TXNDC16: variants seen among roughly 807,000 people sequenced by gnomAD.
TXNDC16 encodes thioredoxin domain-containing protein 16.
Under a neutral mutation model 85.6 loss-of-function variants are expected in TXNDC16, and 74 were observed. The ratio of observed to expected loss-of-function variants is 0.86; its 90% confidence interval spans 0.72 to 1.05. The LOEUF (loss-of-function observed/expected upper bound fraction) is 1.05. TXNDC16 is among the 50% of genes least tolerant of loss of function. The pLI, the probability that TXNDC16 is intolerant of heterozygous loss-of-function variation, is 0.00. For synonymous variants in TXNDC16, 335 were observed against 326.5 expected (o/e 1.03, Z -0.28); for missense variants, 959 against 947.0 (o/e 1.01, Z -0.17).
At chr14:52,515,705 GTGTGTA>G (rs2037068304) in intron 7 of TXNDC16, among the ~76,000 whole-genome samples, 1 of 137,956 alleles carries the variant, frequency 7.2e-6, no homozygotes, top group Non-Finnish European at 1.6e-5. Flanking sequence ...GTGTGTGTGT[GTGTGTA>G]TCATATATAA....
intron 6 of TXNDC16, among the ~76,000 whole-genome samples, chr14:52,526,785 G>A (rs543482801): frequency 1.3e-5 from 2 of 152,328 alleles, no homozygotes; most frequent in East Asian, 3.9e-4. Context: ...TGATTAGAGG[G>A]TTAGGACTTT....
chr14:52,470,201 A>G (rs776233546), intron 15 of TXNDC16, 28 bp from the exon 16 acceptor site: 5 of 1,513,212 alleles, frequency 3.3e-6, no homozygotes, highest in African/African-American at 1.4e-5. Context: ...TATATTACAA[A>G]TTAATTTTTT....
chr14:52,520,535 G>A (rs765421625), intron 6 of TXNDC16, among the ~76,000 whole-genome samples: 12 of 152,062 alleles, frequency 7.9e-5, no homozygotes, highest in South Asian at 6.2e-4. Flanking sequence ...GCATGAACCC[G>A]GGAGGAGGAG....
intron 14 of TXNDC16, among the ~76,000 whole-genome samples, chr14:52,478,511 AGAAATAC>A (rs1049230114): frequency 2.6e-5 from 4 of 152,150 alleles, no homozygotes; most frequent in African/African-American, 9.6e-5. Flanking sequence ...CTGACACCAC[AGAAATAC>A]AAAAGATCAT....
intron 11 of TXNDC16, 120 bp from the exon 12 acceptor site, chr14:52,488,606 C>A (rs1165826805): frequency 7.1e-6 from 5 of 699,520 alleles, no homozygotes; most frequent in Admixed American, 3.1e-5. Flanking sequence ...GAGGTCGAGG[C>A]AGGCGGATCA....
rs563132474 is a variant in TXNDC16, at chr14:52,494,578, T to C, written c.757-3573A>G. The stretch of plus-strand genomic sequence containing the variant: ...GTGTATTAGGAGAACTATTAGTAAT[T>C]AGTAATTCAGTATTATAAAGCAAAA... On this transcript the variant is annotated intron_variant, in intron 9 of 20. Transcript: ENST00000281741. Among the ~76,000 whole-genome samples the C allele has an allele frequency of 8.5e-5, 13 of 152,230 alleles. No homozygotes were observed. The South Asian group carries it at 1.2e-3, about 15-fold the overall frequency.
At chr14:52,445,497 T>C (rs951090446) in intron 18 of TXNDC16, among the ~76,000 whole-genome samples, 3 of 152,174 alleles carry the variant, frequency 2.0e-5, no homozygotes, top group Admixed American at 6.5e-5. Context: ...ACTTCAGAAA[T>C]GTAGAAAAGT....
intron 9 of TXNDC16, 106 bp downstream of exon 9, chr14:52,511,134 A>G: frequency 1.0e-6 from 1 of 956,500 alleles, no homozygotes; most frequent in Non-Finnish European, 1.4e-6. Context: ...TAAAACATGC[A>G]TCTATAAATC....
At chr14:52,527,807 A>C (rs1432394912) in intron 6 of TXNDC16, among the ~76,000 whole-genome samples, 1 of 152,160 alleles carries the variant, frequency 6.6e-6, no homozygotes, top group Admixed American at 6.6e-5. Flanking sequence ...GTAGGGTAAC[A>C]ACTCAGACTC....
Position 52,528,831 on chromosome 14 carries a change from G to GTATA in TXNDC16, c.392+7884_392+7887dup, listed in dbSNP as rs201761395. Among the ~76,000 whole-genome samples, 1,139 of 142,268 alleles carry GTATA rather than the reference G, an allele frequency of 8.0e-3. 7 individuals carry two copies. Among genetic ancestry groups the GTATA allele is most frequent in the South Asian group, 0.023 (104 of 4,528 alleles). The allele number at this position is 142,268 out of a possible 152,430, so 93.3% of individuals were successfully genotyped here. A position where few individuals can be genotyped will look rare whatever the true frequency, so the allele number is the denominator to read the frequency against. On this transcript the variant is annotated intron_variant, in intron 6 of 20. Transcript: ENST00000281741. ...ATACTGGTATATATATTATACCTAG[G>GTATA]TATATATATATATATGTGTGTGTGT...
At chr14:52,488,717 C>A (rs2036330060) in intron 11 of TXNDC16, among the ~76,000 whole-genome samples, 1 of 150,416 alleles carries the variant, frequency 6.6e-6, no homozygotes, top group Non-Finnish European at 1.5e-5. Flanking sequence ...GCCTGTAATC[C>A]CAGCTACTTG....
intron 9 of TXNDC16, among the ~76,000 whole-genome samples, chr14:52,503,330 G>A (rs536659153): frequency 6.6e-6 from 1 of 152,314 alleles, no homozygotes; most frequent in South Asian, 2.1e-4. Flanking sequence ...CCCCAGTAGG[G>A]GCAGACTGAC....
intron 9 of TXNDC16, among the ~76,000 whole-genome samples, chr14:52,496,229 G>A (rs902593582): frequency 1.3e-5 from 2 of 151,908 alleles, no homozygotes; most frequent in Non-Finnish European, 2.9e-5. Context: ...GACAGGCATA[G>A]TATAACCACT....
intron 1 of TXNDC16, among the ~76,000 whole-genome samples, chr14:52,550,638 T>C (rs2038024240): frequency 6.6e-6 from 1 of 152,052 alleles, no homozygotes; most frequent in South Asian, 2.1e-4. Context: ...TCCAGATGTT[T>C]ACTATCACTT....
At chr14:52,491,652 AC>A (rs1473051350) in intron 9 of TXNDC16, among the ~76,000 whole-genome samples, 10 of 152,292 alleles carry the variant, frequency 6.6e-5, no homozygotes, top group African/African-American at 2.2e-4. Flanking sequence ...GAAATAGATA[AC>A]TAAGGAACAA....
intron 11 of TXNDC16, 64 bp from the exon 12 acceptor site, chr14:52,488,550 C>A: frequency 7.2e-7 from 1 of 1,395,412 alleles, no homozygotes; most frequent in South Asian, 1.3e-5. Context: ...AAATGTTTTA[C>A]TTGGGCCAGG....
intron 9 of TXNDC16, among the ~76,000 whole-genome samples, chr14:52,492,631 T>C (rs2036434661): frequency 6.6e-6 from 1 of 152,236 alleles, no homozygotes; most frequent in Admixed American, 6.5e-5. Flanking sequence ...TGAGCACTGC[T>C]TGGCGTTCCC....
intron 12 of TXNDC16, among the ~76,000 whole-genome samples, chr14:52,486,314 C>T (rs1403567152): frequency 2.2e-5 from 3 of 134,806 alleles, no homozygotes; most frequent in Non-Finnish European, 1.5e-5. Flanking sequence ...GACAGGGTCT[C>T]ACTCTGTTGC....
intron 14 of TXNDC16, among the ~76,000 whole-genome samples, chr14:52,476,520 G>T (rs116138533): frequency 6.6e-6 from 1 of 151,950 alleles, no homozygotes; most frequent in African/African-American, 2.4e-5. Flanking sequence ...AACAATAGAC[G>T]CACTTATAGA....
Sources: allele counts gnomAD v4.1 joint callset (sites outside exome capture counted in the v4.1 genomes callset), GRCh38; gene constraint gnomAD v4.1.1; transcripts MANE v1.5; gene names NCBI Gene and HGNC (gene_info 2026-07-23, HGNC 2026-07-21).